SLC14A2: variants seen among roughly 807,000 people sequenced by gnomAD.
The protein encoded by SLC14A2 is urea transporter 2.
SLC14A2 carries 91 observed loss-of-function variants against 104.6 expected under a neutral mutation model. The observed-to-expected ratio is 0.87, with a 90% CI of 0.73 to 1.04. The LOEUF is 1.04. Ranked by LOEUF, SLC14A2 falls within the 50% of genes least tolerant of loss-of-function variation. SLC14A2 has a pLI of 0.00. For missense variants in SLC14A2, 1,189 were observed against 1,156.0 expected, an observed-to-expected ratio of 1.03 and a Z score of -0.41; for synonymous variants, 476 against 466.4, an observed-to-expected ratio of 1.02 and a Z score of -0.27.
intron 1 of SLC14A2, among the ~76,000 whole-genome samples, chr18:45,265,075 C>T (rs897318980): frequency 6.6e-6 from 1 of 152,148 alleles, no homozygotes; most frequent in East Asian, 1.9e-4. Flanking sequence ...TGCACCTATA[C>T]ATTCACTCAG....
intron 1 of SLC14A2, among the ~76,000 whole-genome samples, chr18:45,393,329 C>A (rs765803164): frequency 2.0e-5 from 3 of 152,168 alleles, no homozygotes; most frequent in African/African-American, 2.4e-5. Context: ...CACGCCTCAT[C>A]CCCCTCTGTC....
At chr18:45,393,135 T>C (rs2085989979) in intron 1 of SLC14A2, among the ~76,000 whole-genome samples, 1 of 152,186 alleles carries the variant, frequency 6.6e-6, no homozygotes, top group South Asian at 2.1e-4. Context: ...CTGGATGTTG[T>C]TACAGTAGTG....
chr18:45,184,354 T>C, the SLC14A2 span, among the ~76,000 whole-genome samples: 2 of 152,324 alleles, frequency 1.3e-5, no homozygotes, highest in East Asian at 3.9e-4. Flanking sequence ...GCAAATGCAG[T>C]CAAAATACTC....
At chr18:45,471,747 A>C (rs1462289797) in intron 1 of SLC14A2, among the ~76,000 whole-genome samples, 1 of 151,684 alleles carries the variant, frequency 6.6e-6, no homozygotes, top group East Asian at 1.9e-4. Context: ...TCTCCTTTAC[A>C]ACTTTCCTGA....
intron 2 of SLC14A2, among the ~76,000 whole-genome samples, chr18:45,494,037 G>C (rs1473783442): frequency 6.6e-6 from 1 of 152,218 alleles, no homozygotes; most frequent in African/African-American, 2.4e-5. Context: ...TCTGTGCATA[G>C]TCATCTTTTA....
At chr18:45,454,058 C>T (rs1002179731) in intron 1 of SLC14A2, among the ~76,000 whole-genome samples, 1 of 151,962 alleles carries the variant, frequency 6.6e-6, no homozygotes, top group African/African-American at 2.4e-5. Flanking sequence ...CAGGGTTTCA[C>T]CATGTTGGCC....
chr18:45,347,639 C>G (rs1323601095), intron 1 of SLC14A2, among the ~76,000 whole-genome samples: 1 of 152,180 alleles, frequency 6.6e-6, no homozygotes, highest in East Asian at 1.9e-4. Flanking sequence ...ATAACTACAG[C>G]TTTACACTAA....
intron 1 of SLC14A2, among the ~76,000 whole-genome samples, chr18:45,427,645 A>G (rs1051745496): frequency 1.3e-5 from 2 of 152,118 alleles, no homozygotes; most frequent in Non-Finnish European, 2.9e-5. Flanking sequence ...GTTTGTTTCT[A>G]TAGGTTGGAA....
intron 4 of SLC14A2, among the ~76,000 whole-genome samples, chr18:45,628,608 CCTAT>C (rs2045299205): frequency 6.6e-6 from 1 of 152,044 alleles, no homozygotes; most frequent in African/African-American, 2.4e-5. Flanking sequence ...TGGATTATCC[CCTAT>C]CTTAGTGTTT....
chr18:45,274,965 A>G (rs1049942864), intron 1 of SLC14A2, among the ~76,000 whole-genome samples: 1 of 152,204 alleles, frequency 6.6e-6, no homozygotes, highest in African/African-American at 2.4e-5. Context: ...AGCTGTAGAG[A>G]TGCGTTGACT....
At chr18:45,296,693 A>G (rs1330360750) in intron 1 of SLC14A2, among the ~76,000 whole-genome samples, 12 of 152,170 alleles carry the variant, frequency 7.9e-5, no homozygotes, top group Admixed American at 7.9e-4. Flanking sequence ...TAGAAGTAAG[A>G]TAGTCCCTAG....
At chr18:45,185,416 C>T in the SLC14A2 span, among the ~76,000 whole-genome samples, 1 of 152,172 alleles carries the variant, frequency 6.6e-6, no homozygotes, top group Non-Finnish European at 1.5e-5. Flanking sequence ...TCTACACAGA[C>T]ATGGTTACCT....
At chr18:45,331,311 C>T (rs898713426) in intron 1 of SLC14A2, among the ~76,000 whole-genome samples, 1 of 152,194 alleles carries the variant, frequency 6.6e-6, no homozygotes, top group Non-Finnish European at 1.5e-5. Flanking sequence ...TTTTGACAAG[C>T]AGCATGGAGC....
At chr18:45,323,329 T>A (rs988496915) in intron 1 of SLC14A2, among the ~76,000 whole-genome samples, 3 of 152,242 alleles carry the variant, frequency 2.0e-5, no homozygotes, top group Admixed American at 6.5e-5. Context: ...GTTCCTTGTG[T>A]CAGGCCTCTC....
chr18:45,375,620 A>G (rs577619235), intron 1 of SLC14A2, among the ~76,000 whole-genome samples: 1 of 152,298 alleles, frequency 6.6e-6, no homozygotes, highest in Admixed American at 6.5e-5. Context: ...CTCTGCATGA[A>G]TTATTCTTTC....
chr18:45,262,447 G>A (rs1476576724), intron 1 of SLC14A2, among the ~76,000 whole-genome samples: 1 of 152,128 alleles, frequency 6.6e-6, no homozygotes, highest in Non-Finnish European at 1.5e-5. Flanking sequence ...CTGAGGAAGG[G>A]GATGCTGCAG....
rs114527133 is a variant in SLC14A2, at chr18:45,260,794, A to T, written c.-125+47603A>T. On this transcript the variant is annotated intron_variant, in intron 1 of 20. Coordinates refer to the SLC14A2 transcript ENST00000586448. Reference sequence around the variant, plus strand: ...TTACTGGGAGCTAAACATTGAATACACATGGTCATAATGATGGTAACAACA... The same window carrying T: ...TTACTGGGAGCTAAACATTGAATACTCATGGTCATAATGATGGTAACAACA... Among the ~76,000 whole-genome samples, 3 of 152,108 alleles carry T rather than the reference A, an allele frequency of 2.0e-5. No homozygotes were observed. The South Asian group carries it at 6.2e-4, about 32-fold the overall frequency.
chr18:45,625,604 T>C (rs1473877390), intron 2 of SLC14A2, 79 bp from the exon 3 acceptor site: 7 of 1,221,320 alleles, frequency 5.7e-6, no homozygotes, highest in Non-Finnish European at 7.9e-6. Flanking sequence ...TCAAAAAACC[T>C]GCCACCCTCC....
intron 1 of SLC14A2, among the ~76,000 whole-genome samples, chr18:45,299,792 A>G (rs540573766): frequency 6.6e-6 from 1 of 152,264 alleles, no homozygotes; most frequent in South Asian, 2.1e-4. Flanking sequence ...GCAGTTGAGG[A>G]AAAGGCAGCA....
Sources: gnomAD v4.1 joint callset for allele counts (sites outside exome capture counted in the v4.1 genomes callset) on GRCh38, gnomAD v4.1.1 for gene constraint, MANE v1.5 for transcripts, NCBI Gene and HGNC (gene_info 2026-07-23, HGNC 2026-07-21) for gene names.